The following TPTE2 variants were observed in gnomAD, a reference collection of about 807,000 sequenced individuals.
TPTE2 encodes the protein phosphatidylinositol 3,4,5-trisphosphate 3-phosphatase TPTE2.
In TPTE2, 53 loss-of-function variants were observed where a neutral mutation model predicts 78.6. That is an observed-to-expected ratio of 0.67 (90% CI 0.54 to 0.85). The LOEUF (loss-of-function observed/expected upper bound fraction) is 0.85, where lower values mean the gene tolerates loss of function less well. Among genes scored for constraint, TPTE2 ranks in the 40% least tolerant of loss-of-function variants. The probability of loss-of-function intolerance (pLI) is 0.00; values close to 1 mark genes in which losing one functional copy is unlikely to be tolerated. For synonymous variants in TPTE2, 175 were observed against 206.2 expected (o/e 0.85, Z 1.30); for missense variants, 461 against 623.0 (o/e 0.74, Z 2.77).
In TPTE2 at chr13:19,488,249, C is replaced by T. The variant is rs369886466; in HGVS notation, c.119+4601G>A. Among the ~76,000 whole-genome samples the T allele has an allele frequency of 3.3e-5, 5 of 152,148 alleles. No homozygotes were observed. In the East Asian group the frequency reaches 7.7e-4, roughly 23 times the overall value. ...CCATCTTGCTTGATTTAGCATAATT[C>T]GTAAGGGCCCTAGGATTTTCGGAAT... On this transcript the variant is annotated intron_variant, in intron 3 of 19. Coordinates refer to ENST00000400230, the Ensembl canonical transcript of TPTE2.
At chr13:19,435,194 A>G (rs1876981194) in intron 15 of TPTE2, among the ~76,000 whole-genome samples, 2 of 152,240 alleles carry the variant, frequency 1.3e-5, no homozygotes, top group South Asian at 4.1e-4. Flanking sequence ...TTCTGATTAA[A>G]CAAACTAAAT....
intron 1 of TPTE2, among the ~76,000 whole-genome samples, chr13:19,533,413 T>C (rs762104733): frequency 1.3e-5 from 2 of 152,140 alleles, no homozygotes; most frequent in Non-Finnish European, 2.9e-5. Context: ...TATTGGAAAA[T>C]GAGAGGAATA....
intron 1 of TPTE2, among the ~76,000 whole-genome samples, chr13:19,515,533 G>A (rs1375890848): frequency 6.6e-6 from 1 of 152,094 alleles, no homozygotes; most frequent in Admixed American, 6.5e-5. Context: ...TCGTTAGCCT[G>A]GTCTGAGAGC....
intron 1 of TPTE2, among the ~76,000 whole-genome samples, chr13:19,520,073 ATTTTTTGCACATTGATCTT>A (rs1870058535): frequency 6.6e-6 from 1 of 152,004 alleles, no homozygotes; most frequent in South Asian, 2.1e-4. Context: ...AATATAACTA[ATTTTTTGCACATTGATCTT>A]ATATCTTTTG....
chr13:19,517,545 G>A (rs150048756), intron 1 of TPTE2, among the ~76,000 whole-genome samples: 4,112 of 152,096 alleles, frequency 0.027, 136 homozygotes, highest in African/African-American at 0.075. Flanking sequence ...TAGTTCCCCC[G>A]CCAAAACTTT....
intron 6 of TPTE2, among the ~76,000 whole-genome samples, chr13:19,470,220 T>A (rs1483790749): frequency 6.6e-6 from 1 of 152,176 alleles, no homozygotes; most frequent in South Asian, 2.1e-4. Flanking sequence ...CCAGTTTTTT[T>A]AGGGTGTTTA....
chr13:19,505,166 G>A (rs1198529338), upstream of TPTE2, among the ~76,000 whole-genome samples: 5 of 151,550 alleles, frequency 3.3e-5, no homozygotes, highest in South Asian at 2.1e-4. Flanking sequence ...TTTTTTAGGC[G>A]GATTCTCACT....
chr13:19,553,751 C>T, the TPTE2 span, among the ~76,000 whole-genome samples: 2 of 152,142 alleles, frequency 1.3e-5, no homozygotes, highest in Non-Finnish European at 2.9e-5. Context: ...GCAAGCTAAT[C>T]TATTGTAGAT....
At chr13:19,469,391 T>C (rs1254348157) in intron 6 of TPTE2, among the ~76,000 whole-genome samples, 1 of 152,202 alleles carries the variant, frequency 6.6e-6, no homozygotes, top group Non-Finnish European at 1.5e-5. Flanking sequence ...TATGTGTCTG[T>C]TTTTATGCCA....
the TPTE2 span, among the ~76,000 whole-genome samples, chr13:19,551,692 A>G: frequency 6.6e-6 from 1 of 152,156 alleles, no homozygotes; most frequent in Non-Finnish European, 1.5e-5. Flanking sequence ...TATTAATTAT[A>G]TTATTTACAT....
intron 10 of TPTE2, among the ~76,000 whole-genome samples, chr13:19,453,012 GTTATTTTATGTTATT>G (rs1209760694): frequency 2.6e-5 from 2 of 76,604 alleles, no homozygotes; most frequent in Non-Finnish European, 5.1e-5. Context: ...TTTATTTTAT[GTTATTTTATGTTATT>G]TTATTTTATT....
intron 1 of TPTE2, among the ~76,000 whole-genome samples, chr13:19,494,661 A>G (rs1445571263): frequency 6.6e-6 from 1 of 152,152 alleles, no homozygotes; most frequent in Non-Finnish European, 1.5e-5. Context: ...TGCCTGCTTC[A>G]GCCTTCCAAA....
chr13:19,449,120 G>A (rs926742631), intron 13 of TPTE2, among the ~76,000 whole-genome samples: 25 of 152,102 alleles, frequency 1.6e-4, no homozygotes, highest in African/African-American at 5.8e-4. Context: ...GGTGGTTACC[G>A]GGGCTGGGGA....
At chr13:19,433,240 C>A (rs1488055827) in intron 15 of TPTE2, among the ~76,000 whole-genome samples, 5 of 152,090 alleles carry the variant, frequency 3.3e-5, no homozygotes, top group African/African-American at 1.2e-4. Context: ...ATGGTGGCTC[C>A]CGCCTGTAAT....
Position 19,436,212 on chromosome 13 carries a change from A to G in TPTE2, c.1116+14T>C, listed in dbSNP as rs756948191. On this transcript the variant is annotated intron_variant, in intron 15 of 19. Transcript: ENST00000400230. ...TCCCCTAAAAAAACTCCCATTTTTAAAAAGAAAACTTACCTGAGAAGGAGT... is the reference window on the plus strand; with the variant it reads ...TCCCCTAAAAAAACTCCCATTTTTAGAAAGAAAACTTACCTGAGAAGGAGT... The G allele has an allele frequency of 6.2e-7, 1 of 1,601,618 alleles. No homozygotes were observed. The highest frequency in any genetic ancestry group is 1.3e-5 in the African/African-American group (1 of 74,094).
At chr13:19,543,273 G>A in the TPTE2 span, among the ~76,000 whole-genome samples, 8 of 150,944 alleles carry the variant, frequency 5.3e-5, no homozygotes, top group South Asian at 8.3e-4. Context: ...GGCTGGTCTC[G>A]AACTCCTGAC....
chr13:19,485,185 T>C (rs1880592304), intron 3 of TPTE2, among the ~76,000 whole-genome samples: 1 of 152,194 alleles, frequency 6.6e-6, no homozygotes, highest in South Asian at 2.1e-4. Context: ...ATGGTGGTTA[T>C]CATCTTTTTA....
At chr13:19,551,446 TG>T in the TPTE2 span, among the ~76,000 whole-genome samples, 1 of 151,950 alleles carries the variant, frequency 6.6e-6, no homozygotes, top group Non-Finnish European at 1.5e-5. Flanking sequence ...AAAAATTAGC[TG>T]GGTGTGGTGA....
chr13:19,552,926 A>G, the TPTE2 span, among the ~76,000 whole-genome samples: 1 of 145,764 alleles, frequency 6.9e-6, no homozygotes, highest in Non-Finnish European at 1.5e-5. Context: ...TTTTACAACA[A>G]TGCCAGGTAA....
Sources: allele counts gnomAD v4.1 joint callset (sites outside exome capture counted in the v4.1 genomes callset), GRCh38; gene constraint gnomAD v4.1.1; transcripts MANE v1.5; gene names NCBI Gene and HGNC (gene_info 2026-07-23, HGNC 2026-07-21).